RERE: variants seen among roughly 807,000 people sequenced by gnomAD.
RERE encodes the protein arginine-glutamic acid dipeptide repeats protein.
A neutral mutation model predicts 146.1 loss-of-function variants in RERE; 40 were observed. The ratio of observed to expected loss-of-function variants is 0.27; its 90% confidence interval spans 0.21 to 0.36. The LOEUF (loss-of-function observed/expected upper bound fraction) is 0.36, where lower values mean the gene tolerates loss of function less well. Ranked by LOEUF, RERE falls within the 10% of genes least tolerant of loss-of-function variation. The pLI is 1.00. For synonymous variants in RERE, 1,003 were observed against 866.0 expected (o/e 1.16, Z -2.78); for missense variants, 1,933 against 2,138.7 (o/e 0.90, Z 1.90).
At chr1:8,739,322 G>C in intron 1 of RERE, among the ~76,000 whole-genome samples, 1 of 152,108 alleles carries the variant, frequency 6.6e-6, no homozygotes, top group Middle Eastern at 3.2e-3. Context: ...CAGAACTTCA[G>C]GCAATCCACT....
intron 1 of RERE, among the ~76,000 whole-genome samples, chr1:8,816,895 C>T (rs1047321101): frequency 1.3e-5 from 2 of 152,142 alleles, no homozygotes; most frequent in East Asian, 3.9e-4. Context: ...AGTTTAACCT[C>T]AAACAAGTAG....
intron 1 of RERE, among the ~76,000 whole-genome samples, chr1:8,723,861 T>TCA (rs1639907645): frequency 6.6e-6 from 1 of 152,180 alleles, no homozygotes; most frequent in South Asian, 2.1e-4. Context: ...ATTACCATCA[T>TCA]CACATTGTAT....
chr1:8,708,212 C>T (rs565809943), intron 1 of RERE, among the ~76,000 whole-genome samples: 4 of 152,112 alleles, frequency 2.6e-5, no homozygotes, highest in Non-Finnish European at 5.9e-5. Context: ...TGGGAAGGAC[C>T]CGGTTGGAGA....
At chr1:8,700,770 C>G (rs554673996) in intron 1 of RERE, among the ~76,000 whole-genome samples, 1 of 152,068 alleles carries the variant, frequency 6.6e-6, no homozygotes, top group African/African-American at 2.4e-5. Flanking sequence ...GATTTTTACA[C>G]AAAATATTGG....
intron 10 of RERE, among the ~76,000 whole-genome samples, chr1:8,492,164 G>C (rs907896217): frequency 6.6e-6 from 1 of 152,136 alleles, no homozygotes; most frequent in African/African-American, 2.4e-5. Context: ...AGTCTGAAGA[G>C]TTTCAGTGTC....
At chr1:8,402,828 G>C (rs1643309431) in intron 12 of RERE, among the ~76,000 whole-genome samples, 1 of 152,132 alleles carries the variant, frequency 6.6e-6, no homozygotes, top group South Asian at 2.1e-4. Context: ...TTAAATATCA[G>C]GTATATTCAC....
At chr1:8,679,768 C>G (rs375691375) in intron 1 of RERE, among the ~76,000 whole-genome samples, 3 of 152,190 alleles carry the variant, frequency 2.0e-5, no homozygotes, top group African/African-American at 7.2e-5. Flanking sequence ...GTTCTGTTTT[C>G]TACAAAACTA....
rs193241660 is a variant in RERE at position 8,696,539 on chromosome 1, G to A, written c.-144-40098C>T. ...TGAGGCAAAAGAATCGCTTGCACCCGCAAGGTGGAGGTTGCAATGAGCTGA... is the reference window on the plus strand; with the variant it reads ...TGAGGCAAAAGAATCGCTTGCACCCACAAGGTGGAGGTTGCAATGAGCTGA... On this transcript the variant is annotated intron_variant, in intron 1 of 22. Transcript: ENST00000400908. 4.2e-3 allele frequency among the ~76,000 whole-genome samples: 627 copies of A among 150,366 alleles called. 4 individuals are homozygous for A. The highest frequency in any genetic ancestry group is 7.2e-3 in the Non-Finnish European group (483 of 67,494).
chr1:8,612,708 C>A (rs572411436), intron 4 of RERE, among the ~76,000 whole-genome samples: 60 of 152,216 alleles, frequency 3.9e-4, no homozygotes, highest in Non-Finnish European at 7.6e-4. Flanking sequence ...AAGAAAATAT[C>A]AGCCTGAAAG....
chr1:8,499,953 C>T (rs1645107552), intron 8 of RERE, among the ~76,000 whole-genome samples: 2 of 151,966 alleles, frequency 1.3e-5, no homozygotes, highest in Admixed American at 1.3e-4. Context: ...AACCCTGTCT[C>T]TACGAAAAAT....
chr1:8,474,790 A>C (rs1212033091), intron 10 of RERE, among the ~76,000 whole-genome samples: 4 of 152,260 alleles, frequency 2.6e-5, no homozygotes, highest in Admixed American at 2.6e-4. Context: ...ACTATGCCAA[A>C]GCATACTTTT....
chr1:8,365,868 G>C lies in RERE; in HGVS notation c.1391C>G (p.Thr464Ser). The C allele has an allele frequency of 1.9e-6, 3 of 1,614,182 alleles. No homozygotes were observed. Among genetic ancestry groups the C allele is most frequent in the Non-Finnish European group, 2.5e-6 (3 of 1,180,018 alleles). ...GTTGACGGGTGTGGACGCGGTGCGA[G>C]TCTTAATCCTCCTGAACACGGCCTG... The part of the protein sequence containing the change: ...RRQAVFRRIK[T>S]RTASTPVNTP... The change falls in exon 13 of 23, where the codon ACT (threonine) becomes AGT (serine). Residue 464 changes from threonine to serine, a missense_variant. This residue lies in a region of RERE where 260 missense variants were observed against 378.4 expected (regional missense o/e 0.69). Coordinates refer to ENST00000400908, the MANE Select transcript of RERE (RefSeq NM_001042681.2).
intron 1 of RERE, among the ~76,000 whole-genome samples, chr1:8,723,293 A>T (rs1032909144): frequency 4.6e-5 from 7 of 152,262 alleles, no homozygotes; most frequent in African/African-American, 1.7e-4. Flanking sequence ...ACTTCTACCA[A>T]GAAGAGATTA....
At chr1:8,656,916 C>T (rs1426177799) in intron 1 of RERE, among the ~76,000 whole-genome samples, 1 of 152,118 alleles carries the variant, frequency 6.6e-6, no homozygotes, top group Non-Finnish European at 1.5e-5. Context: ...GAGTTCAAGA[C>T]CAACCCTGGC....
chr1:8,636,057 C>A, intron 2 of RERE, among the ~76,000 whole-genome samples: 1 of 152,110 alleles, frequency 6.6e-6, no homozygotes, highest in South Asian at 2.1e-4. Flanking sequence ...GGCGCGATCT[C>A]AGCTCACCGC....
chr1:8,636,229 C>T (rs1229735142), intron 2 of RERE, among the ~76,000 whole-genome samples: 1 of 152,208 alleles, frequency 6.6e-6, no homozygotes, highest in Non-Finnish European at 1.5e-5. Context: ...CTCAGGTGAT[C>T]TACCCACCTC....
intron 2 of RERE, among the ~76,000 whole-genome samples, chr1:8,642,751 T>C (rs982110282): frequency 6.6e-6 from 1 of 152,212 alleles, no homozygotes; most frequent in African/African-American, 2.4e-5. Flanking sequence ...TTTTTAAACC[T>C]AGGTAAACCT....
chr1:8,363,635 G>A (rs1641682560), intron 15 of RERE: 1 of 202,628 alleles, frequency 4.9e-6, no homozygotes, highest in Non-Finnish European at 1.0e-5. Context: ...GAGCTATGCA[G>A]TGAGCAGAAA....
At chr1:8,802,829 A>C (rs1641612590) in intron 1 of RERE, among the ~76,000 whole-genome samples, 1 of 152,214 alleles carries the variant, frequency 6.6e-6, no homozygotes, top group South Asian at 2.1e-4. Flanking sequence ...AAAGTTAAAA[A>C]AAAACAGGCT....
Sources: gnomAD v4.1 joint callset for allele counts (sites outside exome capture counted in the v4.1 genomes callset) on GRCh38, gnomAD v4.1.1 for gene constraint, gnomAD v4.1.1 regional missense constraint, MANE v1.5 for transcripts, NCBI Gene and HGNC (gene_info 2026-07-23, HGNC 2026-07-21) for gene names.